Variants in MX2 observed in about 807,000 individuals in gnomAD.
MX2 encodes the protein interferon-induced GTP-binding protein Mx2.
MX2 carries 51 observed loss-of-function variants against 74.0 expected under a neutral mutation model. The ratio of observed to expected loss-of-function variants is 0.69; its 90% CI spans 0.55 to 0.87. The LOEUF is 0.87. Ranked by LOEUF, MX2 falls within the 40% of genes least tolerant of loss-of-function variation. The probability of loss-of-function intolerance (pLI) is 0.00; values close to 1 mark genes in which losing one functional copy is unlikely to be tolerated. For synonymous variants in MX2, 369 were observed against 339.3 expected, an observed-to-expected ratio of 1.09 and a Z score of -0.96; for missense variants, 832 against 908.7, an observed-to-expected ratio of 0.92 and a Z score of 1.09.
intron 12 of MX2, 72 bp downstream of exon 12, chr21:41,403,415 C>A: frequency 1.5e-6 from 2 of 1,308,618 alleles, no homozygotes; most frequent in South Asian, 1.2e-5. Context: ...GTTGGATATT[C>A]ACTGTCATTT....
rs572233858 is a variant in MX2 at position 41,368,580 on chromosome 21, C to T, written c.-72+6525C>T. On this transcript the variant is annotated intron_variant, in intron 1 of 13. Coordinates refer to ENST00000330714, the MANE Select transcript of MX2 (RefSeq NM_002463.2). The surrounding 1 kb of genome is among the most constrained non-coding windows in gnomAD (Gnocchi z 4.6). ...TTGCAGAGCAATCTGTGCCCAGCTC[C>T]TGTCCTCTCAAACTTAATCAGCTCA... 6.6e-6 allele frequency among the ~76,000 whole-genome samples: 1 copy of T among 152,220 alleles called. No individual in the cohort carries two copies. The highest frequency in any genetic ancestry group is 2.1e-4 in the South Asian group (1 of 4,834).
At chr21:41,370,383 G>T (rs1351126406) in intron 1 of MX2, 3 of 152,282 alleles carry the variant, frequency 2.0e-5, no homozygotes, top group African/African-American at 7.2e-5. Flanking sequence ...GCATGGGGGT[G>T]CATTGGCACC....
In MX2 at chr21:41,397,682, G is replaced by A. The variant is rs1285785228; in HGVS notation, c.1140G>A (p.Met380Ile). ...LAERLTTELI[M>I]HIQKSLPLLE... ...AAAGACTTACCACTGAACTCATCAT[G>A]CATATCCAAGTGAGCCACGTGGGTT... The change falls in exon 8 of 14, where the codon ATG (methionine) becomes ATA (isoleucine). Residue 380 changes from methionine to isoleucine, a missense_variant. By Grantham distance (10) the Met-to-Ile change is conservative. Transcript: ENST00000330714. 1 of 1,614,008 alleles carries A rather than the reference G, an allele frequency of 6.2e-7. No individual in the cohort carries two copies. The highest frequency in any genetic ancestry group is 1.1e-5 in the South Asian group (1 of 91,078).
At chr21:41,376,691 A>G in intron 1 of MX2, 145 bp from the exon 2 acceptor site, 1 of 602,846 alleles carries the variant, frequency 1.7e-6, no homozygotes, top group Non-Finnish European at 2.9e-6. Flanking sequence ...TCCTGCAGAC[A>G]GGGGCCCTGC....
chr21:41,398,551 A>T (rs2089765489), intron 8 of MX2, among the ~76,000 whole-genome samples: 1 of 152,228 alleles, frequency 6.6e-6, no homozygotes, highest in Admixed American at 6.5e-5. Flanking sequence ...TAGAGCAAAG[A>T]TGATTCCAGA....
intron 9 of MX2, 47 bp from the exon 10 acceptor site, chr21:41,399,149 C>G: frequency 6.2e-7 from 1 of 1,604,910 alleles, no homozygotes; most frequent in Non-Finnish European, 8.5e-7. Flanking sequence ...GGTCCCAGTT[C>G]TTTCATATGA....
intron 5 of MX2, among the ~76,000 whole-genome samples, chr21:41,384,461 G>A (rs749233145): frequency 2.6e-5 from 4 of 152,176 alleles, no homozygotes; most frequent in Non-Finnish European, 5.9e-5. Context: ...GGGGAAATAA[G>A]TGTGCGGTCT....
chr21:41,372,096 G>A (rs1275143573), intron 1 of MX2, among the ~76,000 whole-genome samples: 1 of 152,210 alleles, frequency 6.6e-6, no homozygotes, highest in Non-Finnish European at 1.5e-5. Flanking sequence ...TGTCCATGCT[G>A]AGAATAGAAA....
At chr21:41,381,991 C>G (rs950116930) in intron 4 of MX2, among the ~76,000 whole-genome samples, 2 of 152,358 alleles carry the variant, frequency 1.3e-5, no homozygotes, top group Middle Eastern at 3.4e-3. Flanking sequence ...ACACCATCAC[C>G]TCCACTGCAT....
At chr21:41,384,983 T>C (rs1346222045) in intron 5 of MX2, among the ~76,000 whole-genome samples, 4 of 152,220 alleles carry the variant, frequency 2.6e-5, no homozygotes. Flanking sequence ...GAATAAATGT[T>C]ATTTTATGCC....
chr21:41,362,790 G>A (rs916028891), intron 1 of MX2, among the ~76,000 whole-genome samples: 4 of 104,970 alleles, frequency 3.8e-5, no homozygotes, highest in African/African-American at 1.6e-4. Flanking sequence ...AGAAGTTCTC[G>A]TTCTGTTCCC....
rs1156631266 is a variant in MX2, at chr21:41,377,161, C to G, written c.249+6C>G. The G allele has an allele frequency of 1.2e-6, 2 of 1,613,452 alleles. No individual in the cohort carries two copies. Among genetic ancestry groups the G allele is most frequent in the African/African-American group, 2.7e-5 (2 of 74,896 alleles). On this transcript the variant is annotated splice_donor_region_variant and intron_variant, in intron 2 of 13. Coordinates refer to ENST00000330714, the MANE Select transcript of MX2 (RefSeq NM_002463.2). ...GGAGCCAACCAAGGGCAATGGTAAGCCCGGTGGAGGGACGTTCAGAAAGGG... is the reference window on the plus strand; with the variant it reads ...GGAGCCAACCAAGGGCAATGGTAAGGCCGGTGGAGGGACGTTCAGAAAGGG...
rs564129146 is a variant in MX2 at position 41,408,606 on chromosome 21, C to A, written c.*373C>A. The A allele has an allele frequency of 1.2e-4, 27 of 220,424 alleles. No individual in the cohort carries two copies. The highest frequency in any genetic ancestry group is 4.8e-4 in the Admixed American group (9 of 18,876). The allele number at this position is 220,424 out of a possible 1,614,324, so 13.7% of individuals were successfully genotyped here. ...CAAATTCTTCTTTTGTATGTCCAGT[C>A]TCCTGCACAGCACCTGCAGCATTGT... is the stretch of plus-strand genomic sequence containing the variant. On this transcript the variant is annotated 3_prime_UTR_variant, in exon 14 of 14. Transcript: ENST00000330714.
Position 41,382,573 on chromosome 21 carries a change from T to G in MX2, c.732+9T>G. On this transcript the variant is annotated intron_variant, in intron 5 of 13. Transcript: ENST00000330714. ...GAGACATCGGACTGCAGGTGAGCCCTTCTGGAATTTGGGATTGGGCTCTGC... is the reference window on the plus strand; with the variant it reads ...GAGACATCGGACTGCAGGTGAGCCCGTCTGGAATTTGGGATTGGGCTCTGC... 1 of 1,614,006 alleles carries G rather than the reference T, an allele frequency of 6.2e-7. No individual in the cohort carries two copies. The highest frequency in any genetic ancestry group is 1.7e-4 in the Middle Eastern group (1 of 6,060).
Position 41,382,524 on chromosome 21 carries a change from GGGTGGCTGTGGACAACCAGCCCC to G in MX2, c.694_716del (p.Val232ArgfsTer28). The stretch of plus-strand genomic sequence containing the variant: ...ATCATTGACCTTCCCGGCATCACCA[GGGTGGCTGTGGACAACCAGCCCC>G]GAGACATCGGACTGCAGGTGAGCCC... On this transcript the variant is annotated frameshift_variant, in exon 5 of 14. Coordinates refer to ENST00000330714, the MANE Select transcript of MX2 (RefSeq NM_002463.2). LOFTEE classifies it high-confidence loss of function. 6.2e-7 allele frequency: 1 copy of G among 1,614,202 alleles called. No individual in the cohort carries two copies.
intron 6 of MX2, 117 bp from the exon 7 acceptor site, chr21:41,395,470 G>A: frequency 1.2e-6 from 1 of 807,560 alleles, no homozygotes; most frequent in Non-Finnish European, 2.0e-6. Context: ...AGGCACTGGA[G>A]GATCAAGACT....
At chr21:41,395,953 T>TA (rs1317902696) in intron 7 of MX2, among the ~76,000 whole-genome samples, 168 bp downstream of exon 7, 2 of 152,236 alleles carry the variant, frequency 1.3e-5, no homozygotes, top group African/African-American at 4.8e-5. Context: ...GACAAATTAT[T>TA]GTTTCTTAGA....
chr21:41,382,438 G>A lies in MX2; in HGVS notation c.606G>A (p.Arg202=). 2 of 1,614,122 alleles carry A rather than the reference G, an allele frequency of 1.2e-6. No individual in the cohort carries two copies. The highest frequency in any genetic ancestry group is 8.5e-7 in the Non-Finnish European group (1 of 1,180,042). Reference sequence around the variant, plus strand: ...AGAACGTCATGGCCGGGAATGGCCGGGGCATCAGCCATGAGCTCATCAGCC... The same window carrying A: ...AGAACGTCATGGCCGGGAATGGCCGAGGCATCAGCCATGAGCTCATCAGCC... ...KAQNVMAGNG[R]GISHELISLE... Residue 202 remains arginine (R), a synonymous_variant, in exon 5 of 14, where the codon CGG becomes CGA. Coordinates refer to ENST00000330714, the MANE Select transcript of MX2 (RefSeq NM_002463.2).
chr21:41,383,972 G>T (rs187873673), intron 5 of MX2, among the ~76,000 whole-genome samples: 1 of 152,224 alleles, frequency 6.6e-6, no homozygotes, highest in Admixed American at 6.5e-5. Context: ...TAATCCCCAC[G>T]TGTCAAGGGA....
Sources: gnomAD v4.1 joint callset for allele counts (sites outside exome capture counted in the v4.1 genomes callset) on GRCh38, gnomAD v4.1.1 for gene constraint, Gnocchi (gnomAD v3.1) non-coding constraint, MANE v1.5 for transcripts, NCBI Gene and HGNC (gene_info 2026-07-23, HGNC 2026-07-21) for gene names.